AUTS2: variants seen among roughly 807,000 people sequenced by gnomAD.
AUTS2 encodes activator of transcription and developmental regulator AUTS2.
AUTS2 carries 17 observed loss-of-function variants against 112.4 expected under a neutral mutation model. The observed-to-expected ratio is 0.15, with a 90% CI of 0.10 to 0.23. The LOEUF is 0.23. Among genes scored for constraint, AUTS2 ranks in the 10% least tolerant of loss-of-function variants. AUTS2 has a pLI of 1.00. For missense variants in AUTS2, 1,510 were observed against 1,701.6 expected, an observed-to-expected ratio of 0.89 and a Z score of 1.98; for synonymous variants, 751 against 702.7, an observed-to-expected ratio of 1.07 and a Z score of -1.09.
intron 4 of AUTS2, among the ~76,000 whole-genome samples, chr7:70,385,923 C>T (rs532989468): frequency 6.0e-4 from 91 of 152,264 alleles, no homozygotes; most frequent in Non-Finnish European, 1.1e-3. Flanking sequence ...CTTGTTTCTA[C>T]TCAACAGTAT....
chr7:70,748,119 C>T (rs1264485736), intron 6 of AUTS2, among the ~76,000 whole-genome samples: 28 of 151,984 alleles, frequency 1.8e-4, no homozygotes, highest in African/African-American at 5.8e-4. Flanking sequence ...TGAGCCACCG[C>T]GCCTGGCCCA....
chr7:70,219,452 T>C (rs532130890), intron 4 of AUTS2, among the ~76,000 whole-genome samples: 1 of 152,364 alleles, frequency 6.6e-6, no homozygotes, highest in South Asian at 2.1e-4. Context: ...ATTTCAGAAT[T>C]TTGAGTGTAT....
intron 2 of AUTS2, among the ~76,000 whole-genome samples, chr7:70,101,948 A>G (rs1332156872): frequency 6.6e-6 from 1 of 152,106 alleles, no homozygotes; most frequent in African/African-American, 2.4e-5. Context: ...CATAAGTAAA[A>G]TATGTCCACC....
chr7:69,929,315 T>C (rs528651822), intron 2 of AUTS2, among the ~76,000 whole-genome samples: 1 of 152,272 alleles, frequency 6.6e-6, no homozygotes, highest in East Asian at 1.9e-4. Context: ...CTTTTGAGCA[T>C]TTGGTTACAT....
At chr7:69,698,215 C>T (rs73436202) in intron 1 of AUTS2, among the ~76,000 whole-genome samples, 3 of 152,010 alleles carry the variant, frequency 2.0e-5, no homozygotes, top group South Asian at 2.1e-4. Context: ...TGTGTATATG[C>T]GAAAAATTGA....
At chr7:70,103,204 T>A (rs1804591744) in intron 2 of AUTS2, among the ~76,000 whole-genome samples, 1 of 152,202 alleles carries the variant, frequency 6.6e-6, no homozygotes, top group Admixed American at 6.5e-5. Context: ...ACAATGTTAC[T>A]CTGGAGGGGT....
At chr7:70,328,796 C>T (rs1024323509) in intron 4 of AUTS2, among the ~76,000 whole-genome samples, 3 of 152,146 alleles carry the variant, frequency 2.0e-5, no homozygotes, top group African/African-American at 4.8e-5. Context: ...ATGAAATTCA[C>T]GTAATATAAA....
intron 1 of AUTS2, among the ~76,000 whole-genome samples, chr7:69,680,129 G>A (rs757670818): frequency 5.9e-5 from 9 of 152,218 alleles, no homozygotes; most frequent in Non-Finnish European, 7.3e-5. Flanking sequence ...TTATCATGAA[G>A]TGGGTTTAGG....
intron 4 of AUTS2, among the ~76,000 whole-genome samples, chr7:70,355,580 G>GTGTC (rs1386031764): frequency 2.6e-5 from 4 of 152,022 alleles, no homozygotes; most frequent in African/African-American, 4.8e-5. Context: ...CATCTCTGGG[G>GTGTC]TGTCTGTGCA....
chr7:70,362,538 T>A (rs1031424667), intron 4 of AUTS2, among the ~76,000 whole-genome samples: 10 of 152,106 alleles, frequency 6.6e-5, no homozygotes, highest in Admixed American at 1.3e-4. Context: ...TTCGTTGATA[T>A]TTCAAGCAGG....
chr7:70,786,442 A>G (rs940253704), intron 17 of AUTS2, among the ~76,000 whole-genome samples: 4 of 152,182 alleles, frequency 2.6e-5, no homozygotes, highest in African/African-American at 4.8e-5. Flanking sequence ...ACAATGAAAA[A>G]TAGCAGGAAG....
intron 1 of AUTS2, among the ~76,000 whole-genome samples, chr7:69,733,353 A>T (rs537833186): frequency 7.2e-5 from 11 of 152,312 alleles, no homozygotes; most frequent in African/African-American, 2.6e-4. Flanking sequence ...TAAGTACAGG[A>T]TAAATTTGCA....
In AUTS2 at chr7:70,792,487, CAAAAAAAAAA is replaced by C. The variant is rs374096884; in HGVS notation, c.*1502_*1511del. The stretch of plus-strand genomic sequence containing the variant: ...ATCTGACGTTGTTATCCTGTTTTTG[CAAAAAAAAAA>C]AAAAAAAAAAGTTAACTACAGACCA... On this transcript the variant is annotated 3_prime_UTR_variant, in exon 19 of 19. Coordinates refer to ENST00000342771, the MANE Select transcript of AUTS2 (RefSeq NM_015570.4). The C allele has an allele frequency of 1.3e-5, 1 of 78,600 alleles. No homozygotes were observed. 4.9% of individuals were successfully genotyped at this position (78,600 alleles called of 1,614,324 possible).
At chr7:70,255,429 A>C (rs977448845) in intron 4 of AUTS2, among the ~76,000 whole-genome samples, 1 of 139,842 alleles carries the variant, frequency 7.2e-6, no homozygotes, top group Non-Finnish European at 1.6e-5. Context: ...TACTAATTGC[A>C]AAAAAAAATA....
At chr7:70,651,839 G>T (rs1329271111) in intron 5 of AUTS2, among the ~76,000 whole-genome samples, 1 of 152,090 alleles carries the variant, frequency 6.6e-6, no homozygotes, top group African/African-American at 2.4e-5. Flanking sequence ...TGGAACTGGG[G>T]CTGGTCATCT....
chr7:70,697,566 C>CCT (rs1047833555), intron 5 of AUTS2, among the ~76,000 whole-genome samples: 8 of 138,792 alleles, frequency 5.8e-5, no homozygotes, highest in Non-Finnish European at 1.3e-4. Context: ...GAATTCCCCC[C>CCT]CCCCATTTCC....
rs976637271 is a variant in AUTS2, at chr7:70,784,993, A to C, written c.2198A>C (p.Asn733Thr). 2 of 1,614,050 alleles carry C rather than the reference A, an allele frequency of 1.2e-6. No homozygotes were observed. The highest frequency in any genetic ancestry group is 1.7e-6 in the Non-Finnish European group (2 of 1,180,044). The change falls in exon 16 of 19, where the codon AAC (asparagine) becomes ACC (threonine). Residue 733 changes from asparagine to threonine, a missense_variant. Asn to Thr is a moderately conservative substitution (Grantham distance 65, BLOSUM62 0). Around this residue, in one of 3 missense-constraint regions of AUTS2, gnomAD observed 788 missense variants for 797.6 expected, o/e 0.99. Transcript: ENST00000342771. ...TTTGGGCCACCTCCTCATCACAGCA[A>C]CTTCCTCAACCCTGCTGCCCACCTA... ...TPFGPPPHHSNFLNPAAHLEP... is the reference protein window; with the variant it reads ...TPFGPPPHHSTFLNPAAHLEP...
chr7:69,776,215 G>T (rs999796677), intron 1 of AUTS2, among the ~76,000 whole-genome samples: 3 of 152,176 alleles, frequency 2.0e-5, no homozygotes, highest in African/African-American at 7.2e-5. Flanking sequence ...GGAATCGTCA[G>T]CCTGCATTAA....
chr7:70,483,805 G>GGA (rs1554409491), intron 5 of AUTS2, among the ~76,000 whole-genome samples: 1 of 150,514 alleles, frequency 6.6e-6, no homozygotes, highest in Non-Finnish European at 1.5e-5. Context: ...AAAGGAGAAA[G>GGA]AAAAAAAAAA....
Sources: gnomAD v4.1 joint callset for allele counts (sites outside exome capture counted in the v4.1 genomes callset) on GRCh38, gnomAD v4.1.1 for gene constraint, gnomAD v4.1.1 regional missense constraint, MANE v1.5 for transcripts, NCBI Gene and HGNC (gene_info 2026-07-23, HGNC 2026-07-21) for gene names.